The following COL18A1 variants were observed in gnomAD, a reference collection of about 807,000 sequenced individuals.
The protein encoded by COL18A1 is collagen type XVIII alpha 1 chain.
In COL18A1, 133 loss-of-function variants were observed where a neutral mutation model predicts 168.0. The ratio of observed to expected loss-of-function variants is 0.79; its 90% CI spans 0.69 to 0.91. The LOEUF is 0.91. COL18A1 is among the 40% of genes least tolerant of loss of function. The probability of loss-of-function intolerance (pLI) is 0.00; values close to 1 mark genes in which losing one functional copy is unlikely to be tolerated. For synonymous variants in COL18A1, 949 were observed against 809.0 expected (o/e 1.17, Z -2.94); for missense variants, 2,126 against 1,925.4 (o/e 1.10, Z -1.95).
In COL18A1 at chr21:45,504,469, C is replaced by G. The variant is rs11544970; in HGVS notation, c.2781C>G (p.Pro927=). 17 of 1,608,040 alleles carry G rather than the reference C, an allele frequency of 1.1e-5. No individual in the cohort carries two copies. Among genetic ancestry groups the G allele is most frequent in the African/African-American group, 1.3e-5 (1 of 74,500 alleles). ...GACAGAAAGGCGAAAGGGGGGAGCC[C>G]GGGGGCGGCGGTTTCTTCGGCTCCA... The part of the protein sequence containing the change: ...DAGQKGERGE[P]GGGGFFGSSL... Residue 927 remains proline, a synonymous_variant, in exon 34 of 42, where the codon CCC becomes CCG. Coordinates refer to ENST00000651438, the MANE Select transcript of COL18A1 (RefSeq NM_001379500.1).
At chr21:45,497,577 C>T (rs1181844132) in intron 31 of COL18A1, 22 bp from the exon 32 acceptor site, 1 of 1,554,640 alleles carries the variant, frequency 6.4e-7, no homozygotes, top group Non-Finnish European at 8.7e-7. Context: ...TCCTGATGGG[C>T]ACTGGGTCTC....
chr21:45,469,317 C>T (rs1368153826), intron 3 of COL18A1, among the ~76,000 whole-genome samples: 2 of 152,236 alleles, frequency 1.3e-5, no homozygotes, highest in East Asian at 3.9e-4. Context: ...AAACGATGAA[C>T]GATCCAAAGC....
At chr21:45,477,363 G>T in intron 6 of COL18A1, 48 bp from the exon 7 acceptor site, 2 of 1,526,248 alleles carry the variant, frequency 1.3e-6, no homozygotes, top group Non-Finnish European at 8.9e-7. Flanking sequence ...AGCAGAGCTG[G>T]GGCCACCCGG....
At chr21:45,466,100 C>T (rs1312673027) in intron 2 of COL18A1, among the ~76,000 whole-genome samples, 1 of 152,162 alleles carries the variant, frequency 6.6e-6, no homozygotes. Flanking sequence ...GAAAGTCCGG[C>T]TTCTGGGAGA....
At chr21:45,439,546 A>G (rs1213818042) in intron 2 of COL18A1, among the ~76,000 whole-genome samples, 1 of 149,496 alleles carries the variant, frequency 6.7e-6, no homozygotes, top group Non-Finnish European at 1.5e-5. Context: ...CCTGCTGAGA[A>G]ATGCCTGGGC....
rs2034433006 is a variant in COL18A1 at position 45,443,353 on chromosome 21, G to A, written c.107-24889G>A. On this transcript the variant is annotated intron_variant, in intron 2 of 41. Transcript: ENST00000651438. This position sits in a 1 kb window ranked among gnomAD's most constrained non-coding sequence, Gnocchi z 5.2. The stretch of plus-strand genomic sequence containing the variant: ...CTGGGGCCTTCCATGAGAAAACCCA[G>A]TTAAGGAGCAACCTGGTAAACCCTT... Among the ~76,000 whole-genome samples, 1 of 152,168 alleles carries A rather than the reference G, an allele frequency of 6.6e-6. No individual in the cohort carries two copies. Among genetic ancestry groups the A allele is most frequent in the East Asian group, 1.9e-4 (1 of 5,200 alleles).
At chr21:45,475,178 G>T (rs868864981) in intron 4 of COL18A1, among the ~76,000 whole-genome samples, 3 of 152,226 alleles carry the variant, frequency 2.0e-5, no homozygotes, top group African/African-American at 7.2e-5. Flanking sequence ...CTGGCCAGAA[G>T]AGAGGAGCGC....
rs536487371 is a variant in COL18A1 at position 45,484,358 on chromosome 21, GCA to G, written c.1701+1544_1701+1545del. ...ACACACACATCTCCAGCATATGTGCGCACACACATACACGCACACACACATCT... is the reference window on the plus strand; with the variant it reads ...ACACACACATCTCCAGCATATGTGCGCACACATACACGCACACACACATCT... On this transcript the variant is annotated intron_variant, in intron 15 of 41. Transcript: ENST00000651438. 3.7e-4 allele frequency among the ~76,000 whole-genome samples: 42 copies of G among 112,042 alleles called. 1 individual carries two copies. The South Asian group carries it at 7.2e-3, about 19-fold the overall frequency. The allele number at this position is 112,042 out of a possible 152,430, so 73.5% of individuals were successfully genotyped here.
In COL18A1 at chr21:45,493,273, T is replaced by G. The variant is rs370420459; in HGVS notation, c.2277+48T>G. 145 of 1,542,896 alleles carry G rather than the reference T, an allele frequency of 9.4e-5. No homozygotes were observed. The East Asian group carries it at 1.8e-3, about 19-fold the overall frequency. On this transcript the variant is annotated intron_variant, in intron 25 of 41. Coordinates refer to ENST00000651438, the MANE Select transcript of COL18A1 (RefSeq NM_001379500.1). ...CTCAACCCCCTTTGTGACCCAGGGG[T>G]GGCTCCAGCCTGCCCAGATGACCAC...
chr21:45,493,017 A>G lies in COL18A1; in HGVS notation c.2215-146A>G, dbSNP rs1184876632. ...TCACCTGCGGAGGCCTGCAGTGTCC[A>G]GAGTGAGGCTGGGGCCGCGAGGGGC... On this transcript the variant is annotated intron_variant, in intron 24 of 41. Coordinates refer to ENST00000651438, the MANE Select transcript of COL18A1 (RefSeq NM_001379500.1). 5.9e-6 allele frequency: 5 copies of G among 841,874 alleles called. No homozygotes were observed. The Admixed American group carries it at 6.1e-5, about 10-fold the overall frequency. 52.2% of individuals were successfully genotyped at this position (841,874 alleles called of 1,614,324 possible). A position where few individuals can be genotyped will look rare whatever the true frequency, so the allele number is the denominator to read the frequency against.
rs2034424397 is a variant in COL18A1 at position 45,443,092 on chromosome 21, A to ATGTGGGTGGCGGTGCTGG, written c.107-25144_107-25143insTGGCGGTGCTGGTGTGGG. Among the ~76,000 whole-genome samples, 2 of 78,950 alleles carry ATGTGGGTGGCGGTGCTGG rather than the reference A, an allele frequency of 2.5e-5. No homozygotes were observed. Among genetic ancestry groups the ATGTGGGTGGCGGTGCTGG allele is most frequent in the South Asian group, 4.4e-4 (1 of 2,292 alleles). 51.8% of individuals were successfully genotyped at this position (78,950 alleles called of 152,430 possible). ...GCTGGTGTGGGTGGTGGTGGTGCTGATGTGGGCGGCGGTGCTGGTGTGGGC... is the reference window on the plus strand; with the variant it reads ...GCTGGTGTGGGTGGTGGTGGTGCTGATGTGGGTGGCGGTGCTGGTGTGGGCGGCGGTGCTGGTGTGGGC... On this transcript the variant is annotated intron_variant, in intron 2 of 41. Transcript: ENST00000651438. This position sits in a 1 kb window ranked among gnomAD's most constrained non-coding sequence, Gnocchi z 5.2.
At chr21:45,470,481 G>T (rs112782747) in intron 3 of COL18A1, among the ~76,000 whole-genome samples, 2,220 of 77,638 alleles carry the variant, frequency 0.029, 30 homozygotes, top group Middle Eastern at 0.048. Flanking sequence ...TTTTTTGTGG[G>T]TTTTTTTTTT....
intron 13 of COL18A1, 83 bp downstream of exon 13, chr21:45,480,941 C>T (rs917765177): frequency 1.3e-6 from 2 of 1,521,026 alleles, no homozygotes; most frequent in Non-Finnish European, 1.8e-6. Context: ...AGCCCCTGCC[C>T]CGCCTCAGGC....
In COL18A1 at chr21:45,494,555, G is replaced by C. The variant is rs1430599625; in HGVS notation, c.2363G>C (p.Gly788Ala). ...PAQKGAKGEPGFRGPPGPYGR... is the reference protein window; with the variant it reads ...PAQKGAKGEPAFRGPPGPYGR... ...TGTTTTTTTGCTCAGGGAGAGCCGG[G>C]CTTCCGAGGACCCCCGGTAAGTCGG... Residue 788 changes from glycine to alanine, a missense_variant, in exon 27 of 42, where the codon GGC becomes GCC. Physicochemically the swap from Gly to Ala is moderately conservative, Grantham distance 60. Transcript: ENST00000651438. The C allele has an allele frequency of 3.7e-6, 6 of 1,613,308 alleles. No individual in the cohort carries two copies. The highest frequency in any genetic ancestry group is 5.1e-6 in the Non-Finnish European group (6 of 1,179,988).
intron 32 of COL18A1, 199 bp downstream of exon 32, chr21:45,497,860 A>G: frequency 1.5e-6 from 1 of 689,648 alleles, no homozygotes; most frequent in Admixed American, 2.6e-5. Flanking sequence ...GGGTGGCTGC[A>G]GGGCACAAGC....
At chr21:45,483,168 G>A (rs899062942) in intron 15 of COL18A1, among the ~76,000 whole-genome samples, 2 of 152,260 alleles carry the variant, frequency 1.3e-5, no homozygotes, top group Admixed American at 6.5e-5. Flanking sequence ...TTGGGAGGAG[G>A]GGCTGGGCCA....
chr21:45,453,258 G>A (rs1416088567), intron 2 of COL18A1, among the ~76,000 whole-genome samples: 1 of 152,202 alleles, frequency 6.6e-6, no homozygotes. Context: ...GAGCATTCAT[G>A]TCTGGCACGT....
In COL18A1 at chr21:45,490,501, T is replaced by TCCATGTGCCCTCGTGGGTTC. The variant is rs1555868450; in HGVS notation, c.2031+156_2031+157insCATGTGCCCTCGTGGGTTCC. Among the ~76,000 whole-genome samples the TCCATGTGCCCTCGTGGGTTC allele has an allele frequency of 8.9e-3, 861 of 96,506 alleles. 8 individuals are homozygous for TCCATGTGCCCTCGTGGGTTC. The highest frequency in any genetic ancestry group is 0.029 in the African/African-American group (642 of 22,484). The allele number at this position is 96,506 out of a possible 152,430, so 63.3% of individuals were successfully genotyped here. A position where few individuals can be genotyped will look rare whatever the true frequency, so the allele number is the denominator to read the frequency against. On this transcript the variant is annotated intron_variant, in intron 20 of 41. Coordinates refer to ENST00000651438, the MANE Select transcript of COL18A1 (RefSeq NM_001379500.1). ...GGGCCTCCGTGTGCCCTCCCGGGTC[T>TCCATGTGCCCTCGTGGGTTC]CTGGGCCTCCGTGTGCCCACTCCCG...
chr21:45,411,766 T>TGG (rs56879596), intron 2 of COL18A1, among the ~76,000 whole-genome samples: 23 of 39,260 alleles, frequency 5.9e-4, no homozygotes, highest in Admixed American at 1.8e-3. Flanking sequence ...TGGCGGGGGG[T>TGG]GGGGGGGGGG....
Sources: gnomAD v4.1 joint callset for allele counts (sites outside exome capture counted in the v4.1 genomes callset) on GRCh38, gnomAD v4.1.1 for gene constraint, Gnocchi (gnomAD v3.1) non-coding constraint, MANE v1.5 for transcripts, NCBI Gene and HGNC (gene_info 2026-07-23, HGNC 2026-07-21) for gene names.